Variants in MAGI2 observed in about 807,000 individuals in gnomAD.
The protein encoded by MAGI2 is membrane-associated guanylate kinase, WW and PDZ domain-containing protein 2.
A neutral mutation model predicts 133.3 loss-of-function variants in MAGI2; 35 were observed. The ratio of observed to expected loss-of-function variants is 0.26; its 90% CI spans 0.20 to 0.35. The LOEUF (loss-of-function observed/expected upper bound fraction) is 0.35. MAGI2 is among the 10% of genes least tolerant of loss of function. The pLI is 1.00. For synonymous variants in MAGI2, 729 were observed against 710.6 expected, an observed-to-expected ratio of 1.03 and a Z score of -0.41; for missense variants, 1,636 against 1,863.4, an observed-to-expected ratio of 0.88 and a Z score of 2.25.
At chr7:78,666,244 C>T (rs887417037) in intron 2 of MAGI2, among the ~76,000 whole-genome samples, 11 of 151,978 alleles carry the variant, frequency 7.2e-5, no homozygotes, top group Admixed American at 7.2e-4. Context: ...ATACTACTAG[C>T]CAAATTTTAG....
chr7:78,684,349 A>AT (rs1816035734), intron 2 of MAGI2, among the ~76,000 whole-genome samples: 1 of 152,134 alleles, frequency 6.6e-6, no homozygotes, highest in African/African-American at 2.4e-5. Context: ...ACAGCCTATG[A>AT]TCCCCCAGTT....
chr7:78,544,338 C>T (rs1025923268), intron 3 of MAGI2, among the ~76,000 whole-genome samples: 3 of 152,200 alleles, frequency 2.0e-5, no homozygotes, highest in Non-Finnish European at 4.4e-5. Context: ...GGAGTCAAGA[C>T]ATTGACTAAA....
intron 9 of MAGI2, among the ~76,000 whole-genome samples, chr7:78,286,820 GA>G (rs1005091340): frequency 6.6e-6 from 1 of 152,154 alleles, no homozygotes; most frequent in Non-Finnish European, 1.5e-5. Flanking sequence ...TGGTGGTGGG[GA>G]TAAGTATGAA....
intron 3 of MAGI2, among the ~76,000 whole-genome samples, chr7:78,597,709 T>C (rs1351598196): frequency 6.6e-6 from 1 of 152,200 alleles, no homozygotes. Flanking sequence ...GGTCTCTTAA[T>C]AGTTAAATTG....
chr7:79,393,377 C>T (rs1844810756), intron 1 of MAGI2, among the ~76,000 whole-genome samples: 3 of 152,130 alleles, frequency 2.0e-5, no homozygotes, highest in African/African-American at 7.2e-5. Flanking sequence ...TATTTCTCTA[C>T]TTTTCATGCA....
intron 2 of MAGI2, among the ~76,000 whole-genome samples, chr7:78,901,037 G>A (rs184882220): frequency 1.3e-5 from 2 of 152,140 alleles, no homozygotes; most frequent in African/African-American, 4.8e-5. Context: ...GTCACAAGAC[G>A]AATTAGGAGC....
chr7:78,755,288 A>G (rs9918674), intron 2 of MAGI2, among the ~76,000 whole-genome samples: 4,287 of 152,304 alleles, frequency 0.028, 212 homozygotes, highest in African/African-American at 0.097. Context: ...CCTCAGTGGT[A>G]ACTATGGCAG....
chr7:79,062,926 A>G (rs1278686426), intron 1 of MAGI2, among the ~76,000 whole-genome samples: 1 of 152,116 alleles, frequency 6.6e-6, no homozygotes, highest in East Asian at 1.9e-4. Context: ...ACAACCACCC[A>G]GTGAAAGTCA....
intron 1 of MAGI2, among the ~76,000 whole-genome samples, chr7:79,284,261 C>T (rs1181732034): frequency 6.6e-6 from 1 of 152,080 alleles, no homozygotes; most frequent in African/African-American, 2.4e-5. Flanking sequence ...TATCAGTCTC[C>T]TCCATGATAG....
At chr7:78,121,162 T>G (rs1378494628) in intron 20 of MAGI2, among the ~76,000 whole-genome samples, 1 of 148,418 alleles carries the variant, frequency 6.7e-6, no homozygotes, top group Non-Finnish European at 1.5e-5. Context: ...GAAGAAGATA[T>G]AAGAGAAGAC....
At chr7:78,946,909 A>G (rs1356390123) in intron 2 of MAGI2, 1 of 152,148 alleles carries the variant, frequency 6.6e-6, no homozygotes. Flanking sequence ...AAATCCATCT[A>G]GGTGAAAACA....
intron 1 of MAGI2, among the ~76,000 whole-genome samples, chr7:79,380,672 T>C (rs1482226137): frequency 6.6e-6 from 1 of 151,778 alleles, no homozygotes; most frequent in Non-Finnish European, 1.5e-5. Context: ...TTGTTTAATC[T>C]TTTAAAAATC....
chr7:78,419,186 G>C (rs899607790), intron 6 of MAGI2, among the ~76,000 whole-genome samples: 1 of 152,050 alleles, frequency 6.6e-6, no homozygotes, highest in Non-Finnish European at 1.5e-5. Context: ...TTCCAGATTA[G>C]TCCTAGCATA....
At chr7:78,144,376 A>C (rs6958768) in intron 16 of MAGI2, among the ~76,000 whole-genome samples, 19,454 of 152,168 alleles carry the variant, frequency 0.13, 1,412 homozygotes, top group Non-Finnish European at 0.17. Flanking sequence ...TAGAGGATTT[A>C]GCACTCTTCC....
intron 6 of MAGI2, among the ~76,000 whole-genome samples, chr7:78,471,498 G>A (rs974809382): frequency 2.6e-5 from 4 of 152,190 alleles, no homozygotes; most frequent in African/African-American, 7.2e-5. Flanking sequence ...GAAGTAGAGA[G>A]CAAGAATGTA....
chr7:78,245,982 CT>C (rs1400980960), intron 10 of MAGI2, among the ~76,000 whole-genome samples: 1 of 152,124 alleles, frequency 6.6e-6, no homozygotes, highest in Non-Finnish European at 1.5e-5. Context: ...GGAGCCACCC[CT>C]GTTCAGTGGT....
intron 1 of MAGI2, among the ~76,000 whole-genome samples, chr7:79,363,067 A>G (rs1842461700): frequency 6.6e-6 from 1 of 151,668 alleles, no homozygotes; most frequent in Non-Finnish European, 1.5e-5. Flanking sequence ...TATACATAAA[A>G]ACTCCAAGAA....
At chr7:78,080,317 G>C (rs748597584) in intron 20 of MAGI2, among the ~76,000 whole-genome samples, 1 of 152,234 alleles carries the variant, frequency 6.6e-6, no homozygotes, top group Non-Finnish European at 1.5e-5. Flanking sequence ...TGGATTTGGG[G>C]CAGTGGATGA....
chr7:79,131,404 T>C (rs139461300), intron 1 of MAGI2, among the ~76,000 whole-genome samples: 288 of 152,306 alleles, frequency 1.9e-3, no homozygotes, highest in Non-Finnish European at 3.4e-3. Flanking sequence ...CCTTCTCCAC[T>C]TTTGATAGAG....
Sources: allele counts gnomAD v4.1 joint callset (sites outside exome capture counted in the v4.1 genomes callset), GRCh38; gene constraint gnomAD v4.1.1; transcripts MANE v1.5; gene names NCBI Gene and HGNC (gene_info 2026-07-23, HGNC 2026-07-21).